The following SPATS2L variants were observed in gnomAD, a reference collection of about 807,000 sequenced individuals.
The protein encoded by SPATS2L is SPATS2-like protein.
Under a neutral mutation model 59.6 loss-of-function variants are expected in SPATS2L, and 30 were observed. That is an observed-to-expected ratio of 0.50 (90% CI 0.38 to 0.68). The LOEUF (loss-of-function observed/expected upper bound fraction) is 0.68. Ranked by LOEUF, SPATS2L falls within the 30% of genes least tolerant of loss-of-function variation. The probability of loss-of-function intolerance (pLI) is 0.00; values close to 1 mark genes in which losing one functional copy is unlikely to be tolerated. For synonymous variants in SPATS2L, 252 were observed against 263.5 expected, an observed-to-expected ratio of 0.96 and a Z score of 0.42; for missense variants, 615 against 700.0, an observed-to-expected ratio of 0.88 and a Z score of 1.37.
At chr2:200,368,389 T>G (rs1263880344) in intron 2 of SPATS2L, among the ~76,000 whole-genome samples, 1 of 152,162 alleles carries the variant, frequency 6.6e-6, no homozygotes, top group Non-Finnish European at 1.5e-5. Context: ...AGACTTAAGC[T>G]CTTTCGGCAT....
chr2:200,470,865 T>C (rs552896433), intron 11 of SPATS2L, among the ~76,000 whole-genome samples: 2 of 152,344 alleles, frequency 1.3e-5, no homozygotes, highest in South Asian at 2.1e-4. Flanking sequence ...CTAAATATAA[T>C]AGATGTCACC....
rs911567800 is a variant in SPATS2L at position 200,306,879 on chromosome 2, C to T, written c.-116C>T. On this transcript the variant is annotated 5_prime_UTR_variant, in exon 1 of 13. Transcript: ENST00000409140. ...TCCCCTGGCGACCGCGCCCCCGGGC[C>T]CCGGCTCCGGCCCGGGACGGAGGAG... 10 of 981,064 alleles carry T rather than the reference C, an allele frequency of 1.0e-5. 1 individual carries two copies. The African/African-American group carries it at 1.4e-4, about 14-fold the overall frequency. The allele number at this position is 981,064 out of a possible 1,614,324, so 60.8% of individuals were successfully genotyped here.
intron 8 of SPATS2L, among the ~76,000 whole-genome samples, chr2:200,450,051 C>T (rs4674075): frequency 0.24 from 36,244 of 152,116 alleles, 5,295 homozygotes; most frequent in South Asian, 0.39. Context: ...TTAGGAGGCA[C>T]GGGATGTGGA....
At chr2:200,329,301 A>G in intron 1 of SPATS2L, 130 bp from the exon 2 acceptor site, 1 of 745,480 alleles carries the variant, frequency 1.3e-6, no homozygotes, top group South Asian at 1.7e-5. Flanking sequence ...CTGTTAAGTC[A>G]TGGGTGAGGA....
intron 1 of SPATS2L, among the ~76,000 whole-genome samples, chr2:200,322,472 A>G (rs1457189949): frequency 1.3e-5 from 2 of 152,248 alleles, no homozygotes; most frequent in East Asian, 3.8e-4. Flanking sequence ...ATACATCAGG[A>G]AAGAGCTGTA....
chr2:200,408,669 A>G (rs1030365863), intron 3 of SPATS2L, among the ~76,000 whole-genome samples: 5 of 152,236 alleles, frequency 3.3e-5, no homozygotes, highest in Non-Finnish European at 4.4e-5. Flanking sequence ...GCTCAGGTGC[A>G]GAGAAGGCAA....
At chr2:200,465,116 G>A (rs556798931) in intron 9 of SPATS2L, among the ~76,000 whole-genome samples, 107 of 152,350 alleles carry the variant, frequency 7.0e-4, no homozygotes, top group Admixed American at 1.4e-3. Context: ...AGTTCACACC[G>A]TAGTCCCGAG....
In SPATS2L at chr2:200,480,095, C is replaced by G. The variant is rs541842777; in HGVS notation, c.*2064C>G. The G allele has an allele frequency of 5.1e-6, 1 of 196,984 alleles. No individual in the cohort carries two copies. The highest frequency in any genetic ancestry group is 1.0e-5 in the Non-Finnish European group (1 of 97,816). 12.2% of individuals were successfully genotyped at this position (196,984 alleles called of 1,614,324 possible). A position where few individuals can be genotyped will look rare whatever the true frequency, so the allele number is the denominator to read the frequency against. On this transcript the variant is annotated 3_prime_UTR_variant, in exon 13 of 13. Coordinates refer to ENST00000409140, the MANE Select transcript of SPATS2L (RefSeq NM_001100423.2). ...CTGAAAAATGTCAGTGTAAATGTGA[C>G]CGCTTTAAAGATGAGTCAAGTAATT...
At chr2:200,345,990 G>A (rs1008669672) in intron 2 of SPATS2L, among the ~76,000 whole-genome samples, 4 of 152,138 alleles carry the variant, frequency 2.6e-5, no homozygotes, top group African/African-American at 9.7e-5. Flanking sequence ...CAACCTCTCA[G>A]CCTCTTCCTT....
At chr2:200,412,163 C>T in intron 3 of SPATS2L, 148 bp from the exon 4 acceptor site, 3 of 521,888 alleles carry the variant, frequency 5.7e-6, no homozygotes, top group Non-Finnish European at 6.7e-6. Flanking sequence ...GTCTGGAATG[C>T]CTTGAGTATG....
Position 200,472,917 on chromosome 2 carries a change from G to C in SPATS2L, c.1146G>C (p.Gly382=), listed in dbSNP as rs866933756. The C allele has an allele frequency of 2.0e-5, 32 of 1,613,792 alleles. 1 individual carries two copies. The Middle Eastern group carries it at 4.6e-3, about 233-fold the overall frequency. ...TGAATGCGCACGCAGCAACCTCTGG[G>C]AAACAGAGTAACTTTTCCCGAAAAT... The part of the protein sequence containing the change: ...PLLNAHAATS[G]KQSNFSRKSS... Residue 382 remains glycine (G), a synonymous_variant, in exon 12 of 13, where the codon GGG becomes GGC. Coordinates refer to ENST00000409140, the MANE Select transcript of SPATS2L (RefSeq NM_001100423.2).
rs1022367066 is a variant in SPATS2L, at chr2:200,356,044, A to G, written c.-23+26564A>G. ...ATAATTAACGGAATTCATGAATTAT[A>G]TTCCTGTTTACAAGTCAAAGCCCAA... On this transcript the variant is annotated intron_variant, in intron 2 of 12. Transcript: ENST00000409140. Among the ~76,000 whole-genome samples, 7 of 152,360 alleles carry G rather than the reference A, an allele frequency of 4.6e-5. No individual in the cohort carries two copies. The East Asian group carries it at 1.3e-3, about 29-fold the overall frequency.
chr2:200,398,886 C>A (rs533235564), intron 3 of SPATS2L, among the ~76,000 whole-genome samples: 1 of 152,092 alleles, frequency 6.6e-6, no homozygotes, highest in Admixed American at 6.5e-5. Context: ...TATAAAATAA[C>A]GGAACCTGAT....
chr2:200,306,851 G>T lies in SPATS2L; in HGVS notation c.-144G>T. 1 of 980,726 alleles carries T rather than the reference G, an allele frequency of 1.0e-6. No individual in the cohort carries two copies. Among genetic ancestry groups the T allele is most frequent in the Non-Finnish European group, 1.2e-6 (1 of 828,042 alleles). 60.8% of individuals were successfully genotyped at this position (980,726 alleles called of 1,614,324 possible). On this transcript the variant is annotated 5_prime_UTR_variant, in exon 1 of 13. Coordinates refer to ENST00000409140, the MANE Select transcript of SPATS2L (RefSeq NM_001100423.2). Reference sequence around the variant, plus strand: ...CCGCAGGGGCCGCCACCGCCGCGGCGCCTCCCCTGGCGACCGCGCCCCCGG... The same window carrying T: ...CCGCAGGGGCCGCCACCGCCGCGGCTCCTCCCCTGGCGACCGCGCCCCCGG...
At chr2:200,381,370 C>A (rs2081805390) in intron 2 of SPATS2L, among the ~76,000 whole-genome samples, 1 of 152,206 alleles carries the variant, frequency 6.6e-6, no homozygotes, top group Non-Finnish European at 1.5e-5. Context: ...CCAAAAGAGA[C>A]CACAGAGTTC....
At chr2:200,327,314 G>C (rs907064584) in intron 1 of SPATS2L, among the ~76,000 whole-genome samples, 7 of 151,890 alleles carry the variant, frequency 4.6e-5, no homozygotes, top group Admixed American at 1.3e-4. Context: ...CAAGGCAGGA[G>C]AATCACTTGA....
chr2:200,412,049 T>G (rs1197319749), intron 3 of SPATS2L, among the ~76,000 whole-genome samples: 2 of 152,040 alleles, frequency 1.3e-5, no homozygotes, highest in Non-Finnish European at 2.9e-5. Context: ...AAACCAGAGT[T>G]GGCTTTTCAC....
intron 6 of SPATS2L, among the ~76,000 whole-genome samples, chr2:200,437,404 C>A (rs1157495350): frequency 6.6e-6 from 1 of 152,170 alleles, no homozygotes; most frequent in Non-Finnish European, 1.5e-5. Flanking sequence ...TCCACTCCAA[C>A]AGAATCACCT....
In SPATS2L at chr2:200,329,448, G is replaced by A. The variant is rs201918757; in HGVS notation, c.-55G>A. The A allele has an allele frequency of 6.4e-7, 1 of 1,550,482 alleles. No homozygotes were observed. The highest frequency in any genetic ancestry group is 8.7e-7 in the Non-Finnish European group (1 of 1,146,948). The stretch of plus-strand genomic sequence containing the variant: ...TTTCCTAGAGCTCTTCAGAAACCAG[G>A]CTGCTTTCAGGAACATTGCTGTGGA... On this transcript the variant is annotated 5_prime_UTR_variant, in exon 2 of 13. Transcript: ENST00000409140.
Sources: allele counts gnomAD v4.1 joint callset (sites outside exome capture counted in the v4.1 genomes callset), GRCh38; gene constraint gnomAD v4.1.1; transcripts MANE v1.5; gene names NCBI Gene and HGNC (gene_info 2026-07-23, HGNC 2026-07-21).